RTTN: variants seen among roughly 807,000 people sequenced by gnomAD.
RTTN encodes rotatin.
Under a neutral mutation model 269.2 loss-of-function variants are expected in RTTN, and 182 were observed. The ratio of observed to expected loss-of-function variants is 0.68; its 90% CI spans 0.60 to 0.76. The LOEUF (loss-of-function observed/expected upper bound fraction) is 0.76, where lower values mean the gene tolerates loss of function less well. Among genes scored for constraint, RTTN ranks in the 30% least tolerant of loss-of-function variants. The pLI is 0.00. For synonymous variants in RTTN, 1,006 were observed against 963.5 expected, an observed-to-expected ratio of 1.04 and a Z score of -0.82; for missense variants, 2,545 against 2,608.6, an observed-to-expected ratio of 0.98 and a Z score of 0.53.
intron 30 of RTTN, among the ~76,000 whole-genome samples, chr18:70,089,503 C>T (rs893007715): frequency 7.2e-5 from 11 of 152,140 alleles, no homozygotes; most frequent in Admixed American, 2.0e-4. Context: ...CACACTAATA[C>T]AGATTTTTGT....
intron 38 of RTTN, 82 bp from the exon 39 acceptor site, chr18:70,051,630 GCTT>G (rs1296707124): frequency 4.0e-6 from 4 of 999,134 alleles, no homozygotes; most frequent in Admixed American, 5.7e-5. Flanking sequence ...TACCACAGAC[GCTT>G]CATTACACTT....
At position 70,147,381 on chromosome 18, in the gene RTTN, AGCAATAG is replaced by A. The variant is rs145322577; in HGVS notation, c.2309+1513_2309+1519del. ...ATGCTGTACAGGTTTGTAGCCTAGA[AGCAATAG>A]GCTATAGGATATAGCCTAGGTTATG... On this transcript the variant is annotated intron_variant, in intron 17 of 48. Transcript: ENST00000640769. Among the ~76,000 whole-genome samples the A allele has an allele frequency of 4.5e-3, 684 of 152,284 alleles. 6 individuals carry two copies. Among genetic ancestry groups the A allele is most frequent in the African/African-American group, 0.016 (646 of 41,556 alleles).
At chr18:70,197,815 C>T (rs538219628) in intron 5 of RTTN, 77 bp from the exon 6 acceptor site, 2 of 881,474 alleles carry the variant, frequency 2.3e-6, no homozygotes, top group South Asian at 2.9e-5. Flanking sequence ...GACACAATGA[C>T]TCCATTAACA....
chr18:70,032,084 T>C (rs980311641), intron 40 of RTTN, among the ~76,000 whole-genome samples: 1 of 152,214 alleles, frequency 6.6e-6, no homozygotes, highest in Admixed American at 6.5e-5. Flanking sequence ...GAGTTTGGTA[T>C]GGGAGTGTCT....
chr18:70,059,741 G>A, intron 36 of RTTN, 109 bp downstream of exon 36: 1 of 725,384 alleles, frequency 1.4e-6, no homozygotes, highest in Non-Finnish European at 2.1e-6. Flanking sequence ...GCCTAAAAAA[G>A]AATAAAGCTG....
chr18:70,007,009 T>C, intron 46 of RTTN: 1 of 153,226 alleles, frequency 6.5e-6, no homozygotes, highest in East Asian at 1.9e-4. Context: ...CAGCTTCCAG[T>C]GAGATCAATG....
At chr18:70,195,682 G>T (rs1213830939) in intron 7 of RTTN, among the ~76,000 whole-genome samples, 2 of 152,202 alleles carry the variant, frequency 1.3e-5, no homozygotes, top group African/African-American at 4.8e-5. Context: ...CATAAAACAG[G>T]TAATAAATAC....
intron 21 of RTTN, among the ~76,000 whole-genome samples, chr18:70,139,124 A>C (rs2060196237): frequency 6.6e-6 from 1 of 152,200 alleles, no homozygotes; most frequent in African/African-American, 2.4e-5. Flanking sequence ...AGAATGTAAT[A>C]AATTTAGGCT....
intron 40 of RTTN, among the ~76,000 whole-genome samples, chr18:70,044,346 T>C (rs1180199861): frequency 6.6e-6 from 1 of 152,226 alleles, no homozygotes; most frequent in Admixed American, 6.5e-5. Context: ...AATTAATTCA[T>C]TATCTCAACT....
chr18:70,010,732 A>G (rs547873200), intron 46 of RTTN, among the ~76,000 whole-genome samples: 1 of 152,230 alleles, frequency 6.6e-6, no homozygotes, highest in Non-Finnish European at 1.5e-5. Context: ...AGAAATAACT[A>G]AGATCAGAGC....
intron 17 of RTTN, among the ~76,000 whole-genome samples, chr18:70,148,561 C>A (rs761496991): frequency 3.3e-5 from 5 of 152,162 alleles, no homozygotes; most frequent in Non-Finnish European, 5.9e-5. Context: ...GGAAGGCTAA[C>A]AATTTCTAAA....
chr18:70,067,627 C>T (rs2058178755), intron 34 of RTTN, among the ~76,000 whole-genome samples: 1 of 152,176 alleles, frequency 6.6e-6, no homozygotes, highest in African/African-American at 2.4e-5. Flanking sequence ...TATCTGGCTC[C>T]TGCCACAACT....
chr18:70,050,476 GA>G (rs1201863831), intron 39 of RTTN, among the ~76,000 whole-genome samples: 2 of 152,224 alleles, frequency 1.3e-5, no homozygotes. Flanking sequence ...CTGCTGGTGG[GA>G]GTATAAGTTA....
chr18:70,175,045 C>CAAAAAA (rs5825998), intron 11 of RTTN, among the ~76,000 whole-genome samples: 93 of 86,706 alleles, frequency 1.1e-3, no homozygotes, highest in East Asian at 1.9e-3. Flanking sequence ...AAACCAAAAC[C>CAAAAAA]AAAAAAAAAA....
At chr18:70,052,240 T>A (rs989110942) in intron 38 of RTTN, among the ~76,000 whole-genome samples, 1 of 152,130 alleles carries the variant, frequency 6.6e-6, no homozygotes, top group Non-Finnish European at 1.5e-5. Context: ...ATGTAAACTT[T>A]ATAGGACGTT....
At chr18:70,142,611 T>C (rs1326425283) in intron 18 of RTTN, among the ~76,000 whole-genome samples, 1 of 152,194 alleles carries the variant, frequency 6.6e-6, no homozygotes, top group Non-Finnish European at 1.5e-5. Context: ...TTGAACTAAT[T>C]TACACAGTCA....
chr18:70,147,836 T>C (rs1043409999), intron 17 of RTTN, among the ~76,000 whole-genome samples: 2 of 152,114 alleles, frequency 1.3e-5, no homozygotes, highest in African/African-American at 4.8e-5. Context: ...TGCCCCCTAT[T>C]GTGTTAATTC....
At chr18:70,127,014 G>C (rs552773277) in intron 25 of RTTN, among the ~76,000 whole-genome samples, 50 of 152,294 alleles carry the variant, frequency 3.3e-4, no homozygotes, top group Middle Eastern at 3.4e-3. Flanking sequence ...ATGTTAAATT[G>C]ACAAGCTAGA....
At chr18:70,042,086 T>C (rs76021241) in intron 40 of RTTN, among the ~76,000 whole-genome samples, 2,339 of 145,850 alleles carry the variant, frequency 0.016, 30 homozygotes, top group African/African-American at 0.033. Context: ...CTAAAATAAA[T>C]AGAGGAAAAG....
Sources: gnomAD v4.1 joint callset for allele counts (sites outside exome capture counted in the v4.1 genomes callset) on GRCh38, gnomAD v4.1.1 for gene constraint, MANE v1.5 for transcripts, NCBI Gene and HGNC (gene_info 2026-07-23, HGNC 2026-07-21) for gene names.